Variants in TBC1D22A observed in about 807,000 individuals in gnomAD.
TBC1D22A encodes putative GTPase activator.
TBC1D22A carries 38 observed loss-of-function variants against 60.2 expected under a neutral mutation model. That is an observed-to-expected ratio of 0.63 (90% CI 0.49 to 0.83). The LOEUF is 0.83. TBC1D22A is among the 40% of genes least tolerant of loss of function. TBC1D22A has a pLI of 0.00. For missense variants in TBC1D22A, 628 were observed against 701.0 expected, an observed-to-expected ratio of 0.90 and a Z score of 1.18; for synonymous variants, 302 against 281.7, an observed-to-expected ratio of 1.07 and a Z score of -0.72.
intron 11 of TBC1D22A, among the ~76,000 whole-genome samples, chr22:47,041,008 C>G (rs2062825086): frequency 6.6e-6 from 1 of 152,178 alleles, no homozygotes; most frequent in South Asian, 2.1e-4. Flanking sequence ...CACACACATC[C>G]TGTGCAGGTG....
At position 47,004,402 on chromosome 22, in the gene TBC1D22A, C is replaced by T. The variant is rs145450957; in HGVS notation, c.1201+6693C>T. On this transcript the variant is annotated intron_variant, in intron 10 of 12. Transcript: ENST00000337137. ...CACACCCCTGCACACAACCCTTATA[C>T]ATACACACATGCCTGTATACACACC... 4.1e-4 allele frequency among the ~76,000 whole-genome samples: 61 copies of T among 149,548 alleles called. No homozygotes were observed. The East Asian group carries it at 0.011, about 27-fold the overall frequency.
Position 46,807,193 on chromosome 22 carries a change from G to C in TBC1D22A, c.637+9573G>C, listed in dbSNP as rs191483119. Among the ~76,000 whole-genome samples the C allele has an allele frequency of 7.9e-5, 12 of 152,244 alleles. No individual in the cohort carries two copies. In the East Asian group the frequency reaches 2.3e-3, roughly 29 times the overall value. ...TCACCACCAGCGTGGAACGATGGAGGATCAACAGCAGCAGGATTGTTCTCC... is the reference window on the plus strand; with the variant it reads ...TCACCACCAGCGTGGAACGATGGAGCATCAACAGCAGCAGGATTGTTCTCC... On this transcript the variant is annotated intron_variant, in intron 4 of 12. Transcript: ENST00000337137.
At chr22:47,116,598 C>G (rs779195214) in intron 12 of TBC1D22A, 1 of 152,102 alleles carries the variant, frequency 6.6e-6, no homozygotes, top group African/African-American at 2.4e-5. Context: ...GAAGCATGCT[C>G]CGGGCAGTCT....
rs189095779 is a variant in TBC1D22A at position 46,983,265 on chromosome 22, T to A, written c.1125+8866T>A. 2.4e-4 allele frequency among the ~76,000 whole-genome samples: 36 copies of A among 152,312 alleles called. No homozygotes were observed. The East Asian group carries it at 6.6e-3, about 28-fold the overall frequency. ...GCTGTGAGGTGGGGCAGGGGTGGGT[T>A]TCCCTCAAGGTGGGACACCACTAAG... On this transcript the variant is annotated intron_variant, in intron 9 of 12. Coordinates refer to ENST00000337137, the MANE Select transcript of TBC1D22A (RefSeq NM_014346.5).
intron 8 of TBC1D22A, among the ~76,000 whole-genome samples, chr22:46,938,478 A>C (rs974940788): frequency 6.6e-6 from 1 of 150,928 alleles, no homozygotes; most frequent in African/African-American, 2.5e-5. Context: ...TAAGCAGTGC[A>C]TGGCTGCATG....
chr22:46,808,786 G>T lies in TBC1D22A; in HGVS notation c.637+11166G>T, dbSNP rs1244354977. Reference sequence around the variant, plus strand: ...ATTTTTTGTATTGTTAGTAGAGACGGGGTTTCACCGTGTTAGCCAGGATGG... The same window carrying T: ...ATTTTTTGTATTGTTAGTAGAGACGTGGTTTCACCGTGTTAGCCAGGATGG... On this transcript the variant is annotated intron_variant, in intron 4 of 12. Transcript: ENST00000337137. Among the ~76,000 whole-genome samples the T allele has an allele frequency of 2.0e-5, 3 of 152,276 alleles. No homozygotes were observed. The East Asian group carries it at 5.8e-4, about 29-fold the overall frequency.
intron 4 of TBC1D22A, among the ~76,000 whole-genome samples, chr22:46,859,936 C>G (rs1274331277): frequency 8.5e-5 from 1 of 11,702 alleles, no homozygotes. Flanking sequence ...GGACCAGAAT[C>G]CTTTTCCATA....
At chr22:46,910,960 G>A (rs1031242873) in intron 7 of TBC1D22A, among the ~76,000 whole-genome samples, 1 of 152,062 alleles carries the variant, frequency 6.6e-6, no homozygotes. Flanking sequence ...CAATGTGGGT[G>A]CTGGCTGGGG....
chr22:46,810,749 T>G (rs1333818282), intron 4 of TBC1D22A, among the ~76,000 whole-genome samples: 5 of 152,132 alleles, frequency 3.3e-5, no homozygotes, highest in Admixed American at 3.3e-4. Context: ...AAACAATAAT[T>G]ACATAATTGG....
At chr22:47,031,334 G>A (rs1279967190) in intron 10 of TBC1D22A, among the ~76,000 whole-genome samples, 2 of 152,248 alleles carry the variant, frequency 1.3e-5, no homozygotes, top group Non-Finnish European at 2.9e-5. Context: ...CCCCCGGCGG[G>A]CAGAAACAGG....
Position 47,148,337 on chromosome 22 carries a change from A to T in TBC1D22A, c.1426-25161A>T, listed in dbSNP as rs1601674327. The stretch of plus-strand genomic sequence containing the variant: ...AATTCCAGAGAAACCCAAAAGATGT[A>T]AAAAAAAAAAAAAACAGAAGCAGAG... On this transcript the variant is annotated intron_variant, in intron 12 of 12. Transcript: ENST00000337137. 3.6e-4 allele frequency among the ~76,000 whole-genome samples: 6 copies of T among 16,492 alleles called. 1 individual carries two copies. The East Asian group carries it at 0.02, about 55-fold the overall frequency. The allele number at this position is 16,492 out of a possible 152,430, so 10.8% of individuals were successfully genotyped here.
At chr22:46,779,675 A>G (rs2083856085) in intron 1 of TBC1D22A, among the ~76,000 whole-genome samples, 1 of 152,190 alleles carries the variant, frequency 6.6e-6, no homozygotes, top group South Asian at 2.1e-4. Context: ...TCCAAGACCT[A>G]TTTCCAGAGA....
In TBC1D22A at chr22:46,997,485, A is replaced by C. The variant is rs2148233702; in HGVS notation, c.1126-149A>C. 1.6e-5 allele frequency: 10 copies of C among 642,566 alleles called. No homozygotes were observed. In the South Asian group the frequency reaches 1.9e-4, roughly 12 times the overall value. 39.8% of individuals were successfully genotyped at this position (642,566 alleles called of 1,614,324 possible). On this transcript the variant is annotated intron_variant, in intron 9 of 12. Transcript: ENST00000337137. ...AGCGGCGCTGTGCTGTGCAGGGTGC[A>C]TCCACTTGTGTGTTTCTCGAGATAA...
chr22:46,929,599 A>C (rs552693418), intron 8 of TBC1D22A, among the ~76,000 whole-genome samples: 2 of 152,298 alleles, frequency 1.3e-5, no homozygotes, highest in East Asian at 3.9e-4. Flanking sequence ...TGAATTGAGG[A>C]GCCAGGAGCA....
chr22:46,875,253 C>T lies in TBC1D22A; in HGVS notation c.638-3400C>T, dbSNP rs140741158. ...CTACTGGTACTGGCAACATGTGTGA[C>T]TCTTACAAACACATTCTGAGCAAAA... On this transcript the variant is annotated intron_variant, in intron 4 of 12. Transcript: ENST00000337137. Among the ~76,000 whole-genome samples the T allele has an allele frequency of 6.2e-4, 94 of 152,286 alleles. 1 individual carries two copies. The East Asian group carries it at 0.017, about 27-fold the overall frequency.
chr22:46,938,021 A>G (rs180853328), intron 8 of TBC1D22A, among the ~76,000 whole-genome samples: 1 of 152,340 alleles, frequency 6.6e-6, no homozygotes, highest in East Asian at 1.9e-4. Context: ...TTCATTTATT[A>G]CTGATGAAGG....
chr22:47,041,070 A>G (rs941525284), intron 11 of TBC1D22A, among the ~76,000 whole-genome samples: 3 of 152,152 alleles, frequency 2.0e-5, no homozygotes, highest in Admixed American at 2.0e-4. Flanking sequence ...TACGTTTCCT[A>G]TCCCCTAGTG....
chr22:47,017,119 A>C (rs2061934477), intron 10 of TBC1D22A, among the ~76,000 whole-genome samples: 1 of 152,220 alleles, frequency 6.6e-6, no homozygotes, highest in East Asian at 1.9e-4. Context: ...TACCAGTTAC[A>C]AGTCTTTCCT....
chr22:47,025,770 T>A (rs1236740180), intron 10 of TBC1D22A, among the ~76,000 whole-genome samples: 2 of 151,794 alleles, frequency 1.3e-5, no homozygotes, highest in Admixed American at 1.3e-4. Context: ...TAGTATAGAG[T>A]GCGTGGCAAT....
Sources: gnomAD v4.1 joint callset for allele counts (sites outside exome capture counted in the v4.1 genomes callset) on GRCh38, gnomAD v4.1.1 for gene constraint, MANE v1.5 for transcripts, NCBI Gene and HGNC (gene_info 2026-07-23, HGNC 2026-07-21) for gene names.